DGKA: variants seen among roughly 807,000 people sequenced by gnomAD.
The protein encoded by DGKA is 80 kDa diacylglycerol kinase.
In DGKA, 35 loss-of-function variants were observed where a neutral mutation model predicts 105.0. The ratio of observed to expected loss-of-function variants is 0.33; its 90% CI spans 0.25 to 0.44. DGKA has a LOEUF of 0.44. DGKA is among the 20% of genes least tolerant of loss of function. The pLI is 1.00. For synonymous variants in DGKA, 296 were observed against 332.0 expected, an observed-to-expected ratio of 0.89 and a Z score of 1.18; for missense variants, 665 against 915.0, an observed-to-expected ratio of 0.73 and a Z score of 3.53.
chr12:55,938,340 G>A (rs1210941196), intron 5 of DGKA, 171 bp from the exon 6 acceptor site: 1 of 832,946 alleles, frequency 1.2e-6, no homozygotes, highest in African/African-American at 1.7e-5. Flanking sequence ...ACTGAGGGTA[G>A]AGTCCATGCC....
In DGKA at chr12:55,936,568, G is replaced by A; in HGVS notation, c.64+1G>A. ...GCCCAGCTGCAAAAATACATGGAATGTGAGTCTTCCTGTCAGGCCTTCAGT... is the reference window on the plus strand; with the variant it reads ...GCCCAGCTGCAAAAATACATGGAATATGAGTCTTCCTGTCAGGCCTTCAGT... On this transcript the variant is annotated splice_donor_variant, in intron 2 of 23. Transcript: ENST00000331886. LOFTEE classifies it high-confidence loss of function. 6.2e-7 allele frequency: 1 copy of A among 1,614,166 alleles called. No homozygotes were observed. Among genetic ancestry groups the A allele is most frequent in the Non-Finnish European group, 8.5e-7 (1 of 1,180,024 alleles).
chr12:55,951,201 T>C (rs1380927503), intron 17 of DGKA, among the ~76,000 whole-genome samples: 1 of 152,200 alleles, frequency 6.6e-6, no homozygotes, highest in Non-Finnish European at 1.5e-5. Flanking sequence ...CTCTCTATTC[T>C]TTACTATTGA....
intron 15 of DGKA, 128 bp from the exon 16 acceptor site, chr12:55,941,870 C>A: frequency 9.8e-7 from 1 of 1,024,188 alleles, no homozygotes; most frequent in Non-Finnish European, 1.5e-6. Context: ...TTCATAGAAA[C>A]TCAAGTCTTT....
At chr12:55,936,946 T>C in intron 2 of DGKA, 71 bp from the exon 3 acceptor site, 1 of 1,338,494 alleles carries the variant, frequency 7.5e-7, no homozygotes, top group Non-Finnish European at 1.1e-6. Context: ...TCTTTTTTCC[T>C]GCTGGATTTC....
At chr12:55,946,402 G>A (rs1887013218) in intron 17 of DGKA, among the ~76,000 whole-genome samples, 1 of 152,102 alleles carries the variant, frequency 6.6e-6, no homozygotes, top group Non-Finnish European at 1.5e-5. Context: ...CATCGCACAG[G>A]CTGGAGTGCA....
chr12:55,940,543 G>T lies in DGKA; in HGVS notation c.919-81G>T. ...AGGCACAGTTGCCCCTGCTCCCAAG[G>T]GCTCTTTCCAGCCCAGACTGCCAGG... is the stretch of plus-strand genomic sequence containing the variant. On this transcript the variant is annotated intron_variant, in intron 11 of 23. Coordinates refer to ENST00000331886, the MANE Select transcript of DGKA (RefSeq NM_001345.5). This position sits in a 1 kb window ranked among gnomAD's most constrained non-coding sequence, Gnocchi z 4.3. 6.4e-7 allele frequency: 1 copy of T among 1,567,980 alleles called. No individual in the cohort carries two copies. The highest frequency in any genetic ancestry group is 1.2e-5 in the South Asian group (1 of 83,246).
At chr12:55,935,784 C>G (rs922543849) in intron 1 of DGKA, 8 of 751,232 alleles carry the variant, frequency 1.1e-5, no homozygotes, top group Non-Finnish European at 1.3e-5. Context: ...GAACGCAGTC[C>G]AGGCGGGGCC....
chr12:55,938,719 C>T (rs759760849), intron 6 of DGKA, 159 bp downstream of exon 6: 1 of 1,554,678 alleles, frequency 6.4e-7, no homozygotes, highest in Admixed American at 2.0e-5. Context: ...AGCTCTTGAC[C>T]CCTCAAAGAG....
At chr12:55,935,356 G>A (rs1273850927) in intron 1 of DGKA, 1 of 152,220 alleles carries the variant, frequency 6.6e-6, no homozygotes, top group Non-Finnish European at 1.5e-5. Context: ...ATGGGACCCA[G>A]ATATGACTGA....
chr12:55,941,877 C>A (rs907116871), intron 15 of DGKA, 121 bp from the exon 16 acceptor site: 2 of 1,086,706 alleles, frequency 1.8e-6, no homozygotes, highest in South Asian at 2.6e-5. Context: ...AAACTCAAGT[C>A]TTTTGACAAA....
intron 1 of DGKA, chr12:55,931,924 C>G (rs1883661028): frequency 6.6e-6 from 1 of 152,110 alleles, no homozygotes; most frequent in Non-Finnish European, 1.5e-5. Context: ...ACGGGCCTCT[C>G]CAACTTCGAA....
upstream of DGKA, chr12:55,927,419 A>T (rs1378228171): frequency 1.4e-6 from 1 of 708,678 alleles, no homozygotes; most frequent in South Asian, 1.5e-5. Flanking sequence ...TACGTCCAGG[A>T]CCTGCGAGGG....
At position 55,952,921 on chromosome 12, in the gene DGKA, C is replaced by G. The variant is rs1888440623; in HGVS notation, c.1931C>G (p.Thr644Ser). The change falls in exon 21 of 24, where the codon ACC becomes AGC. Residue 644 changes from threonine to serine, a missense_variant. By Grantham distance (58) the Thr-to-Ser change is moderately conservative. Coordinates refer to ENST00000331886, the MANE Select transcript of DGKA (RefSeq NM_001345.5). The surrounding 1 kb of genome is among the most constrained non-coding windows in gnomAD (Gnocchi z 5.1). The stretch of plus-strand genomic sequence containing the variant: ...ATCACCGACCCTGATATCCTGAAAA[C>G]CTGTGTACCAGGTGAGAGGAGCAGC... The part of the protein sequence containing the change: ...KVITDPDILK[T>S]CVPDLSDKRL... 6.2e-7 allele frequency: 1 copy of G among 1,614,046 alleles called. No individual in the cohort carries two copies. The highest frequency in any genetic ancestry group is 8.5e-7 in the Non-Finnish European group (1 of 1,180,044).
chr12:55,941,398 G>A, intron 14 of DGKA, 73 bp downstream of exon 14: 2 of 1,586,546 alleles, frequency 1.3e-6, no homozygotes, highest in Non-Finnish European at 1.7e-6. Flanking sequence ...GGTGGAAGGG[G>A]ATGTGTGTGT....
At chr12:55,939,585 A>T (rs1310634409) in intron 9 of DGKA, 56 bp downstream of exon 9, 2 of 1,551,404 alleles carry the variant, frequency 1.3e-6, no homozygotes, top group Non-Finnish European at 1.8e-6. Context: ...TATCTGTGGG[A>T]GCTTGATGCT....
chr12:55,933,607 A>G (rs1884082586), intron 1 of DGKA: 1 of 152,246 alleles, frequency 6.6e-6, no homozygotes, highest in Non-Finnish European at 1.5e-5. Flanking sequence ...AGATCCCAGG[A>G]GCACTCGTTT....
intron 7 of DGKA, 85 bp from the exon 8 acceptor site, chr12:55,939,101 G>T (rs1885365984): frequency 6.2e-7 from 1 of 1,604,322 alleles, no homozygotes; most frequent in Non-Finnish European, 8.5e-7. Context: ...TAGGATGGCT[G>T]GGCTGGATAT....
At chr12:55,935,917 C>T in intron 1 of DGKA, 2 of 986,216 alleles carry the variant, frequency 2.0e-6, no homozygotes, top group Non-Finnish European at 2.4e-6. Flanking sequence ...TGGCCAGAGG[C>T]GGAACAAAAT....
At chr12:55,951,053 CATAGAACCCAGT>C (rs1335479216) in intron 17 of DGKA, among the ~76,000 whole-genome samples, 1 of 152,122 alleles carries the variant, frequency 6.6e-6, no homozygotes, top group Non-Finnish European at 1.5e-5. Context: ...AGGTAGCGAG[CATAGAACCCAGT>C]AGGTAGTTTT....
Sources: allele counts gnomAD v4.1 joint callset (sites outside exome capture counted in the v4.1 genomes callset), GRCh38; gene constraint gnomAD v4.1.1; non-coding constraint Gnocchi (gnomAD v3.1); transcripts MANE v1.5; gene names NCBI Gene and HGNC (gene_info 2026-07-23, HGNC 2026-07-21).